JHY: variants seen among roughly 807,000 people sequenced by gnomAD.
The protein encoded by JHY is jhy protein homolog.
JHY carries 69 observed loss-of-function variants against 78.0 expected under a neutral mutation model. That is an observed-to-expected ratio of 0.88 (90% confidence interval 0.73 to 1.08). JHY has a LOEUF of 1.08. Ranked by LOEUF, JHY falls within the 50% of genes least tolerant of loss-of-function variation. The probability of loss-of-function intolerance (pLI) is 0.00; values close to 1 mark genes in which losing one functional copy is unlikely to be tolerated. For synonymous variants in JHY, 368 were observed against 342.6 expected (o/e 1.07, Z -0.82); for missense variants, 944 against 927.8 (o/e 1.02, Z -0.23).
chr11:122,926,193 AAAAAAAAAAAAAAGAAAAAAGAAAAAG>A (rs200985683), intron 4 of JHY, among the ~76,000 whole-genome samples: 34,010 of 149,002 alleles, frequency 0.23, 4,427 homozygotes, highest in Middle Eastern at 0.3. Context: ...ATCTCAAAAA[AAAAAAAAAAAAAAGAAAAAAGAAAAAG>A]AAAAAGAAAA....
In JHY at chr11:122,896,342, CAAAAAAAAAAAA is replaced by C. The variant is rs11370911; in HGVS notation, c.345-7571_345-7560del. On this transcript the variant is annotated intron_variant, in intron 2 of 8. Coordinates refer to ENST00000227349, the MANE Select transcript of JHY (RefSeq NM_024806.4). The stretch of plus-strand genomic sequence containing the variant: ...TGGGCGACAGAGGAAGACTCTGTCT[CAAAAAAAAAAAA>C]AAAAAAAAAAAGGAAATTTGCTGAG... 8.1e-3 allele frequency among the ~76,000 whole-genome samples: 596 copies of C among 73,426 alleles called. 3 individuals are homozygous for C. The highest frequency in any genetic ancestry group is 0.029 in the Middle Eastern group (3 of 102). The allele number at this position is 73,426 out of a possible 152,430, so 48.2% of individuals were successfully genotyped here.
rs2135356683 is a variant in JHY at position 122,935,194 on chromosome 11, T to C, written c.1634+119T>C. On this transcript the variant is annotated intron_variant, in intron 5 of 8. Coordinates refer to ENST00000227349, the MANE Select transcript of JHY (RefSeq NM_024806.4). This position sits in a 1 kb window ranked among gnomAD's most constrained non-coding sequence, Gnocchi z 4.5. Reference sequence around the variant, plus strand: ...AAGGTGGCTAGGTGAGAAGAAGAGTTCACCTAACAACTTCCTTAGCTCTGA... The same window carrying C: ...AAGGTGGCTAGGTGAGAAGAAGAGTCCACCTAACAACTTCCTTAGCTCTGA... The C allele has an allele frequency of 1.1e-6, 1 of 899,640 alleles. No homozygotes were observed. The highest frequency in any genetic ancestry group is 2.7e-5 in the East Asian group (1 of 37,118). 55.7% of individuals were successfully genotyped at this position (899,640 alleles called of 1,614,324 possible). A position where few individuals can be genotyped will look rare whatever the true frequency, so the allele number is the denominator to read the frequency against.
rs753280533 is a variant in JHY at position 122,956,560 on chromosome 11, A to G, written c.1994A>G (p.Glu665Gly). ...CTTGGAGGCCTCGGACCTGACTTTGAGTCCATCAGAGACAAAGTGAGTGAG... is the reference window on the plus strand; with the variant it reads ...CTTGGAGGCCTCGGACCTGACTTTGGGTCCATCAGAGACAAAGTGAGTGAG... ...VKLGGLGPDF[E>G]SIRDKTQKLI... Residue 665 changes from glutamate (E) to glycine (G), a missense_variant, in exon 7 of 9, where the codon GAG (glutamate) becomes GGG (glycine). Transcript: ENST00000227349. 6.2e-7 allele frequency: 1 copy of G among 1,613,510 alleles called. No individual in the cohort carries two copies. The highest frequency in any genetic ancestry group is 1.3e-5 in the African/African-American group (1 of 75,034).
In JHY at chr11:122,935,053, T is replaced by C. The variant is rs775889913; in HGVS notation, c.1612T>C (p.Tyr538His). The change falls in exon 5 of 9, where the codon TAC becomes CAC. Residue 538 changes from tyrosine (Y) to histidine (H), a missense_variant. Transcript: ENST00000227349. This position sits in a 1 kb window ranked among gnomAD's most constrained non-coding sequence, Gnocchi z 4.5. ...QLKQPYTETK[Y>H]RNLEMLWKFH... The stretch of plus-strand genomic sequence containing the variant: ...CAAACAGCCTTATACAGAGACAAAA[T>C]ACAGGAACTTAGAAATGTTATGGTA... 2 of 1,573,660 alleles carry C rather than the reference T, an allele frequency of 1.3e-6. No homozygotes were observed. The highest frequency in any genetic ancestry group is 4.5e-5 in the East Asian group (2 of 44,400).
At position 122,883,912 on chromosome 11, in the gene JHY, A is replaced by G. The variant is rs964174057; in HGVS notation, c.-90+940A>G. ...TTTAAGAGTAATTCTAAGTTGCACT[A>G]TAACGCTTAAGCTTGCTCTTCAGGA... On this transcript the variant is annotated intron_variant, in intron 1 of 8. Transcript: ENST00000227349. This position sits in a 1 kb window ranked among gnomAD's most constrained non-coding sequence, Gnocchi z 4.4. Among the ~76,000 whole-genome samples the G allele has an allele frequency of 7.9e-5, 12 of 152,262 alleles. No individual in the cohort carries two copies. Among genetic ancestry groups the G allele is most frequent in the African/African-American group, 2.7e-4 (11 of 41,470 alleles).
At position 122,894,167 on chromosome 11, in the gene JHY, A is replaced by T. The variant is rs574583411; in HGVS notation, c.344+7974A>T. Among the ~76,000 whole-genome samples, 6 of 152,132 alleles carry T rather than the reference A, an allele frequency of 3.9e-5. No homozygotes were observed. The East Asian group carries it at 1.2e-3, about 29-fold the overall frequency. On this transcript the variant is annotated intron_variant, in intron 2 of 8. Transcript: ENST00000227349. ...GAAACCCCGTCTCTACTAAAAATAC[A>T]AAAATTAGCCGGGCCCATAATCCCA...
chr11:122,895,694 A>G (rs1862726837), intron 2 of JHY, among the ~76,000 whole-genome samples: 1 of 152,154 alleles, frequency 6.6e-6, no homozygotes, highest in South Asian at 2.1e-4. Context: ...AGAGTTGTGT[A>G]CTCATTTTCT....
intron 3 of JHY, among the ~76,000 whole-genome samples, chr11:122,909,030 A>T (rs989493722): frequency 6.6e-6 from 1 of 152,172 alleles, no homozygotes; most frequent in Non-Finnish European, 1.5e-5. Flanking sequence ...GCTTATTCAC[A>T]GATTGTTCAT....
chr11:122,914,619 A>G (rs900388194), intron 3 of JHY, among the ~76,000 whole-genome samples: 15 of 151,562 alleles, frequency 9.9e-5, no homozygotes, highest in Admixed American at 9.9e-4. Context: ...TAATTTTTCT[A>G]TTTTTAGTAG....
At position 122,960,423 on chromosome 11, in the gene JHY, A is replaced by G. The variant is rs144188201; in HGVS notation, c.*978A>G. On this transcript the variant is annotated 3_prime_UTR_variant, in exon 9 of 9. Coordinates refer to ENST00000227349, the MANE Select transcript of JHY (RefSeq NM_024806.4). ...TCCAGGGGTATTGCAGGCAACAAGG[A>G]CCTTTCACACAGGGAAGCCACTCCT... The G allele has an allele frequency of 5.3e-3, 1,213 of 227,234 alleles. 14 individuals carry two copies. The highest frequency in any genetic ancestry group is 0.026 in the African/African-American group (1,115 of 43,342). The allele number at this position is 227,234 out of a possible 1,614,324, so 14.1% of individuals were successfully genotyped here. A position where few individuals can be genotyped will look rare whatever the true frequency, so the allele number is the denominator to read the frequency against.
At chr11:122,918,887 G>T (rs534603441) in intron 3 of JHY, among the ~76,000 whole-genome samples, 4 of 146,504 alleles carry the variant, frequency 2.7e-5, no homozygotes, top group South Asian at 4.1e-4. Context: ...AGTCCAGAAG[G>T]GGGGAAGAAA....
chr11:122,911,905 C>CAAAAAAA (rs59941995), intron 3 of JHY, among the ~76,000 whole-genome samples: 17 of 49,738 alleles, frequency 3.4e-4, no homozygotes, highest in African/African-American at 8.9e-4. Flanking sequence ...AACTCTGTCT[C>CAAAAAAA]AAAAAAAAAA....
At chr11:122,929,742 ATTTG>A (rs935942428) in intron 4 of JHY, among the ~76,000 whole-genome samples, 38 of 152,314 alleles carry the variant, frequency 2.5e-4, no homozygotes, top group African/African-American at 6.0e-4. Context: ...ATAGATGTAT[ATTTG>A]TTTGTTTATG....
intron 2 of JHY, among the ~76,000 whole-genome samples, chr11:122,893,069 C>T (rs1263923101): frequency 1.3e-5 from 2 of 152,054 alleles, no homozygotes; most frequent in African/African-American, 2.4e-5. Flanking sequence ...ATTAGATTTT[C>T]AATTTAAGGC....
intron 5 of JHY, among the ~76,000 whole-genome samples, chr11:122,936,358 A>C (rs1292991501): frequency 2.0e-5 from 3 of 152,154 alleles, no homozygotes; most frequent in Non-Finnish European, 2.9e-5. Context: ...GTGATATGGA[A>C]TGTAGATTTA....
intron 3 of JHY, among the ~76,000 whole-genome samples, chr11:122,924,193 A>G (rs953906397): frequency 6.6e-6 from 1 of 152,132 alleles, no homozygotes; most frequent in Non-Finnish European, 1.5e-5. Flanking sequence ...ACTAAAGTTG[A>G]GAACCACTGA....
chr11:122,908,507 A>G (rs188034193), intron 3 of JHY, among the ~76,000 whole-genome samples: 2 of 152,360 alleles, frequency 1.3e-5, no homozygotes, highest in African/African-American at 2.4e-5. Flanking sequence ...CTGGTGGTCC[A>G]TGGACCTCAC....
At chr11:122,916,309 CATT>C (rs1342273438) in intron 3 of JHY, among the ~76,000 whole-genome samples, 10 of 152,068 alleles carry the variant, frequency 6.6e-5, no homozygotes, top group African/African-American at 1.9e-4. Context: ...TATGTACAAA[CATT>C]ATATATTAAT....
intron 2 of JHY, among the ~76,000 whole-genome samples, chr11:122,889,927 A>C (rs1862574028): frequency 6.6e-6 from 1 of 151,970 alleles, no homozygotes; most frequent in Admixed American, 6.6e-5. Flanking sequence ...TTCTACTTTT[A>C]GTAGAGATGG....
Sources: allele counts gnomAD v4.1 joint callset (sites outside exome capture counted in the v4.1 genomes callset), GRCh38; gene constraint gnomAD v4.1.1; non-coding constraint Gnocchi (gnomAD v3.1); transcripts MANE v1.5; gene names NCBI Gene and HGNC (gene_info 2026-07-23, HGNC 2026-07-21).